Variants in DHRSX observed in about 807,000 individuals in gnomAD.
DHRSX encodes the protein polyprenol dehydrogenase.
Under a neutral mutation model 34.0 loss-of-function variants are expected in DHRSX, and 31 were observed. The ratio of observed to expected loss-of-function variants is 0.91; its 90% CI spans 0.69 to 1.23. DHRSX has a LOEUF of 1.23. DHRSX is among the 50% of genes most tolerant of loss of function. The probability of loss-of-function intolerance (pLI) is 0.00; values close to 1 mark genes in which losing one functional copy is unlikely to be tolerated. For missense variants in DHRSX, 414 were observed against 428.1 expected (o/e 0.97, Z 0.29); for synonymous variants, 201 against 183.8 (o/e 1.09, Z -0.76).
intron 3 of DHRSX, among the ~76,000 whole-genome samples, chrX:2,403,430 C>A (rs2043512653): frequency 6.6e-6 from 1 of 152,128 alleles, no homozygotes; most frequent in Non-Finnish European, 1.5e-5. Context: ...ATTTATATGC[C>A]ACAAGTAAAC....
chrX:2,371,216 C>T (rs2043055305), intron 3 of DHRSX, among the ~76,000 whole-genome samples: 1 of 139,886 alleles, frequency 7.1e-6, no homozygotes, highest in Admixed American at 7.2e-5. Context: ...TCCCTTCTCC[C>T]GTTACCGTAG....
At chrX:2,380,705 TC>T (rs1348308368) in intron 3 of DHRSX, among the ~76,000 whole-genome samples, 1 of 152,036 alleles carries the variant, frequency 6.6e-6, no homozygotes, top group Non-Finnish European at 1.5e-5. Flanking sequence ...TGTGTGGCAT[TC>T]CCCCCTTGCT....
intron 1 of DHRSX, among the ~76,000 whole-genome samples, chrX:2,485,274 A>G (rs2044859644): frequency 6.6e-6 from 1 of 152,110 alleles, no homozygotes; most frequent in Admixed American, 6.5e-5. Flanking sequence ...TTAAATGAAC[A>G]TCACGATGCA....
intron 6 of DHRSX, among the ~76,000 whole-genome samples, chrX:2,232,659 G>A (rs973372899): frequency 5.9e-5 from 9 of 151,814 alleles, no homozygotes; most frequent in Non-Finnish European, 1.0e-4. Flanking sequence ...TGCAACCTCC[G>A]CCTCCCAAGT....
intron 6 of DHRSX, among the ~76,000 whole-genome samples, chrX:2,225,426 A>G (rs748260841): frequency 9.2e-5 from 14 of 152,308 alleles, no homozygotes; most frequent in Non-Finnish European, 1.9e-4. Flanking sequence ...ATACTCATTC[A>G]CATGCATACT....
chrX:2,246,754 G>GAA (rs1461498413), intron 5 of DHRSX, among the ~76,000 whole-genome samples: 10 of 137,042 alleles, frequency 7.3e-5, no homozygotes, highest in African/African-American at 2.7e-4. Context: ...GAAAGAAAAA[G>GAA]AAAGAAAATA....
At chrX:2,298,618 A>ACACACACACGCACGCACACGCACGCG (rs2041969740) in intron 3 of DHRSX, among the ~76,000 whole-genome samples, 1 of 135,364 alleles carries the variant, frequency 7.4e-6, no homozygotes, top group African/African-American at 3.8e-5. Context: ...ACACACACAC[A>ACACACACACGCACGCACACGCACGCG]CACACACACA....
At chrX:2,418,513 A>T (rs2043725708) in intron 2 of DHRSX, among the ~76,000 whole-genome samples, 2 of 152,246 alleles carry the variant, frequency 1.3e-5, no homozygotes. Context: ...TAGTTTGATT[A>T]AGAATTAAAC....
chrX:2,401,101 T>C lies in DHRSX; in HGVS notation c.286+7644A>G, dbSNP rs1053117198. On this transcript the variant is annotated intron_variant, in intron 3 of 6. Coordinates refer to ENST00000334651, the MANE Select transcript of DHRSX (RefSeq NM_145177.3). ...CACAAGCTACTGGAAGAATAATATT[T>C]GGGAAGCTTTTTTTTTTTTTTTTTT... Among the ~76,000 whole-genome samples the C allele has an allele frequency of 5.1e-5, 7 of 136,956 alleles. No homozygotes were observed. The Admixed American group carries it at 5.7e-4, about 11-fold the overall frequency. The allele number at this position is 136,956 out of a possible 152,430, so 89.8% of individuals were successfully genotyped here.
intron 3 of DHRSX, among the ~76,000 whole-genome samples, chrX:2,306,450 T>G (rs901635838): frequency 1.3e-5 from 2 of 149,846 alleles, no homozygotes; most frequent in African/African-American, 4.9e-5. Flanking sequence ...CAATTAAGAT[T>G]GCGATCAATT....
chrX:2,275,851 A>T (rs1378233254), intron 4 of DHRSX, among the ~76,000 whole-genome samples: 4 of 149,420 alleles, frequency 2.7e-5, no homozygotes, highest in African/African-American at 4.9e-5. Context: ...ATTTTAATTT[A>T]ATTTTATTTT....
intron 2 of DHRSX, among the ~76,000 whole-genome samples, chrX:2,420,219 C>T (rs1421636153): frequency 6.6e-6 from 1 of 151,006 alleles, no homozygotes; most frequent in Non-Finnish European, 1.5e-5. Flanking sequence ...CCATCCTGAC[C>T]TACATGGTGA....
intron 3 of DHRSX, among the ~76,000 whole-genome samples, chrX:2,396,632 C>T (rs1230418190): frequency 6.6e-6 from 1 of 151,944 alleles, no homozygotes; most frequent in Non-Finnish European, 1.5e-5. Context: ...CCCGCCTTGG[C>T]CTCCCAAAGG....
rs142316410 is a variant in DHRSX, at chrX:2,385,095, C to G, written c.286+23650G>C. ...TCCAGCCTGGCGACAGAGTGAGACT[C>G]CATCTCAAATATATATGTGTGTGTG... On this transcript the variant is annotated intron_variant, in intron 3 of 6. Transcript: ENST00000334651. Among the ~76,000 whole-genome samples the G allele has an allele frequency of 7.6e-3, 1,002 of 131,526 alleles. 13 individuals are homozygous for G. The highest frequency in any genetic ancestry group is 9.4e-3 in the Non-Finnish European group (590 of 62,618). The allele number at this position is 131,526 out of a possible 152,430, so 86.3% of individuals were successfully genotyped here. A position where few individuals can be genotyped will look rare whatever the true frequency, so the allele number is the denominator to read the frequency against.
At chrX:2,241,872 C>T (rs1448521128) in intron 6 of DHRSX, among the ~76,000 whole-genome samples, 1 of 152,124 alleles carries the variant, frequency 6.6e-6, no homozygotes, top group African/African-American at 2.4e-5. Context: ...CCCGCCACTG[C>T]ACTCCACTCT....
intron 3 of DHRSX, among the ~76,000 whole-genome samples, chrX:2,308,385 G>A (rs1195176885): frequency 6.7e-6 from 1 of 149,504 alleles, no homozygotes; most frequent in Non-Finnish European, 1.5e-5. Flanking sequence ...ACAACTGTTC[G>A]ACAATTGTTC....
chrX:2,452,147 A>C (rs2044229257), intron 1 of DHRSX, among the ~76,000 whole-genome samples: 1 of 152,088 alleles, frequency 6.6e-6, no homozygotes, highest in Non-Finnish European at 1.5e-5. Flanking sequence ...CCGTGTACAC[A>C]CTGAAGACAT....
At chrX:2,324,681 A>G (rs1398549097) in intron 3 of DHRSX, among the ~76,000 whole-genome samples, 3 of 152,102 alleles carry the variant, frequency 2.0e-5, no homozygotes, top group African/African-American at 7.2e-5. Flanking sequence ...CAGGCAACTC[A>G]GAGTCTGCCA....
chrX:2,379,595 G>GTTTTTTTTTTTTTTTTTTTTTT (rs749144665), intron 3 of DHRSX, among the ~76,000 whole-genome samples: 1 of 103,924 alleles, frequency 9.6e-6, no homozygotes, highest in African/African-American at 3.5e-5. Flanking sequence ...GGCAGTGGAG[G>GTTTTTTTTTTTTTTTTTTTTTT]TTTTTTTTTT....
Sources: gnomAD v4.1 joint callset for allele counts (sites outside exome capture counted in the v4.1 genomes callset) on GRCh38, gnomAD v4.1.1 for gene constraint, MANE v1.5 for transcripts, NCBI Gene and HGNC (gene_info 2026-07-23, HGNC 2026-07-21) for gene names.